USH2A: variants seen among roughly 807,000 people sequenced by gnomAD.
USH2A encodes the protein Usher syndrome 2A (autosomal recessive, mild).
Under a neutral mutation model 538.9 loss-of-function variants are expected in USH2A, and 443 were observed. That is an observed-to-expected ratio of 0.82 (90% CI 0.76 to 0.89). The LOEUF (loss-of-function observed/expected upper bound fraction) is 0.89. Among genes scored for constraint, USH2A ranks in the 40% least tolerant of loss-of-function variants. The pLI, the probability that USH2A is intolerant of heterozygous loss-of-function variation, is 0.00. For synonymous variants in USH2A, 2,413 were observed against 2,273.5 expected, an observed-to-expected ratio of 1.06 and a Z score of -1.75; for missense variants, 6,633 against 6,324.8, an observed-to-expected ratio of 1.05 and a Z score of -1.65.
At chr1:215,794,828 G>A (rs1372478755) in intron 50 of USH2A, among the ~76,000 whole-genome samples, 1 of 152,138 alleles carries the variant, frequency 6.6e-6, no homozygotes, top group African/African-American at 2.4e-5. Flanking sequence ...TGAAATTTGA[G>A]TTCATGGATG....
chr1:216,050,381 G>A (rs1370421108), intron 30 of USH2A, among the ~76,000 whole-genome samples: 1 of 151,876 alleles, frequency 6.6e-6, no homozygotes, highest in Non-Finnish European at 1.5e-5. Context: ...ATGTGAGATG[G>A]GGATAATATA....
intron 11 of USH2A, among the ~76,000 whole-genome samples, chr1:216,286,236 G>T (rs1277869707): frequency 1.3e-5 from 2 of 152,098 alleles, no homozygotes; most frequent in Non-Finnish European, 2.9e-5. Flanking sequence ...TTGAATCATG[G>T]GGGCAGTTTC....
In USH2A at chr1:216,124,382, G is replaced by C. The variant is rs184537550; in HGVS notation, c.4628-27169C>G. ...AGCAAGCAAGGAAGCGTATTGATTA[G>C]GTACTGCATATACTGAACAAGAGAA... On this transcript the variant is annotated intron_variant, in intron 21 of 71. Coordinates refer to ENST00000307340, the MANE Select transcript of USH2A (RefSeq NM_206933.4). Among the ~76,000 whole-genome samples, 495 of 151,850 alleles carry C rather than the reference G, an allele frequency of 3.3e-3. 2 individuals are homozygous for C. The highest frequency in any genetic ancestry group is 0.019 in the South Asian group (90 of 4,796).
rs998238054 is a variant in USH2A, at chr1:216,205,712, G to A, written c.3316+1561C>T. 3.9e-5 allele frequency among the ~76,000 whole-genome samples: 6 copies of A among 152,170 alleles called. No homozygotes were observed. In the South Asian group the frequency reaches 1.2e-3, roughly 32 times the overall value. On this transcript the variant is annotated intron_variant, in intron 16 of 71. Transcript: ENST00000307340. ...GTTAAAGTAGAATTTGGAAAACTGT[G>A]TATTAAATGAAGAGAACAAAATAGA...
intron 11 of USH2A, among the ~76,000 whole-genome samples, chr1:216,253,491 T>C (rs1043572979): frequency 4.6e-5 from 7 of 152,172 alleles, no homozygotes; most frequent in Non-Finnish European, 7.3e-5. Flanking sequence ...TTACATGTAA[T>C]GCATGTATCA....
chr1:215,941,206 TA>T (rs1192878978), intron 37 of USH2A, among the ~76,000 whole-genome samples: 1 of 152,042 alleles, frequency 6.6e-6, no homozygotes, highest in Non-Finnish European at 1.5e-5. Context: ...AAAACTGCTC[TA>T]AAAATAGTTA....
Position 216,217,544 on chromosome 1 carries a change from C to G in USH2A, c.3000G>C (p.Gln1000His), listed in dbSNP as rs1253896841. 1.2e-6 allele frequency: 2 copies of G among 1,612,902 alleles called. No homozygotes were observed. The highest frequency in any genetic ancestry group is 4.5e-5 in the East Asian group (2 of 44,742). ...FGFDPQTGRC[Q>H]PCNCHLSGAL... ...CTCCTGAGAGATGACAATTACAAGGCTGACATCTGAAAACAAGGCAAATAA... is the reference window on the plus strand; with the variant it reads ...CTCCTGAGAGATGACAATTACAAGGGTGACATCTGAAAACAAGGCAAATAA... The change falls in exon 15 of 72, where the codon CAG (glutamine) becomes CAC (histidine). Residue 1000 changes from glutamine (Q) to histidine (H), a missense_variant. By Grantham distance (24) the Gln-to-His change is conservative (BLOSUM62 0). Coordinates refer to ENST00000307340, the MANE Select transcript of USH2A (RefSeq NM_206933.4).
intron 32 of USH2A, among the ~76,000 whole-genome samples, chr1:216,014,244 G>T (rs1668650726): frequency 6.6e-6 from 1 of 152,092 alleles, no homozygotes; most frequent in Non-Finnish European, 1.5e-5. Flanking sequence ...TGGGGGGAAG[G>T]AGTAGTCATG....
At chr1:215,762,155 A>G (rs1459911119) in intron 56 of USH2A, among the ~76,000 whole-genome samples, 1 of 152,232 alleles carries the variant, frequency 6.6e-6, no homozygotes, top group African/African-American at 2.4e-5. Flanking sequence ...TTCACAAATC[A>G]TAGTACACAT....
chr1:215,692,740 A>C (rs1658659596), intron 61 of USH2A, among the ~76,000 whole-genome samples: 1 of 152,106 alleles, frequency 6.6e-6, no homozygotes, highest in Non-Finnish European at 1.5e-5. Context: ...TTCTTTAAAA[A>C]TCATTTTTGA....
intron 20 of USH2A, among the ~76,000 whole-genome samples, chr1:216,177,551 A>G (rs530723525): frequency 1.3e-5 from 2 of 152,212 alleles, no homozygotes; most frequent in East Asian, 1.9e-4. Context: ...GGTCCTAGAG[A>G]GCACCCTGGC....
At chr1:215,829,340 C>T (rs912928948) in intron 47 of USH2A, among the ~76,000 whole-genome samples, 3 of 152,078 alleles carry the variant, frequency 2.0e-5, no homozygotes, top group East Asian at 3.9e-4. Flanking sequence ...TAAGTTAAGG[C>T]CAAAGACAAA....
intron 32 of USH2A, among the ~76,000 whole-genome samples, chr1:216,028,959 C>T (rs928882521): frequency 1.3e-5 from 2 of 151,846 alleles, no homozygotes; most frequent in Non-Finnish European, 2.9e-5. Flanking sequence ...AATGCATAAG[C>T]CAAAATATAA....
At position 215,629,010 on chromosome 1, in the gene USH2A, C is replaced by T. The variant is rs1228246652; in HGVS notation, c.15323G>A (p.Arg5108Gln). 36 of 1,613,200 alleles carry T rather than the reference C, an allele frequency of 2.2e-5. 1 individual carries two copies. Among genetic ancestry groups the T allele is most frequent in the Middle Eastern group, 1.8e-4 (1 of 5,424 alleles). The change falls in exon 71 of 72, where the codon CGG becomes CAG. Residue 5108 changes from arginine (R) to glutamine (Q), a missense_variant. Arg to Gln is a conservative substitution (Grantham distance 43). Coordinates refer to ENST00000307340, the MANE Select transcript of USH2A (RefSeq NM_206933.4). ...GCGGATACTCACAGGTGTCCCAGACCGGGGAATTTTGGTATCGGCTAACCC... is the reference window on the plus strand; with the variant it reads ...GCGGATACTCACAGGTGTCCCAGACTGGGGAATTTTGGTATCGGCTAACCC... ...HMGLADTKIP[R>Q]SGTPVSIRSN...
At chr1:215,998,718 T>C (rs372640182) in intron 34 of USH2A, among the ~76,000 whole-genome samples, 169 bp downstream of exon 34, 54 of 152,076 alleles carry the variant, frequency 3.6e-4, no homozygotes, top group Middle Eastern at 3.4e-3. Flanking sequence ...AGGTATTAGA[T>C]CACCAGAATT....
intron 3 of USH2A, among the ~76,000 whole-genome samples, chr1:216,408,103 T>C (rs974026402): frequency 6.6e-6 from 1 of 152,192 alleles, no homozygotes; most frequent in African/African-American, 2.4e-5. Context: ...AAATTATTAA[T>C]TGCTAATTCT....
intron 9 of USH2A, among the ~76,000 whole-genome samples, chr1:216,313,618 A>G (rs943253959): frequency 1.3e-5 from 2 of 149,470 alleles, no homozygotes; most frequent in Non-Finnish European, 3.0e-5. Context: ...CTTGCTCACA[A>G]TTCCTTCCTT....
intron 32 of USH2A, among the ~76,000 whole-genome samples, chr1:216,042,059 A>C (rs982730156): frequency 6.6e-6 from 1 of 152,028 alleles, no homozygotes; most frequent in African/African-American, 2.4e-5. Context: ...ACTATTGCTC[A>C]AATGGTTAAA....
chr1:215,748,501 A>G (rs1160587596), intron 58 of USH2A, among the ~76,000 whole-genome samples: 1 of 152,256 alleles, frequency 6.6e-6, no homozygotes, highest in African/African-American at 2.4e-5. Context: ...AAGACCTTAA[A>G]GAAACTGCAA....
Sources: gnomAD v4.1 joint callset for allele counts (sites outside exome capture counted in the v4.1 genomes callset) on GRCh38, gnomAD v4.1.1 for gene constraint, MANE v1.5 for transcripts, NCBI Gene and HGNC (gene_info 2026-07-23, HGNC 2026-07-21) for gene names.